The following KATNIP variants were observed in gnomAD, a reference collection of about 807,000 sequenced individuals.
KATNIP encodes katanin-interacting protein.
KATNIP carries 126 observed loss-of-function variants against 174.0 expected under a neutral mutation model. The observed-to-expected ratio is 0.72, with a 90% CI of 0.63 to 0.84. KATNIP has a LOEUF of 0.84. KATNIP is among the 40% of genes least tolerant of loss of function. The pLI, the probability that KATNIP is intolerant of heterozygous loss-of-function variation, is 0.00. For synonymous variants in KATNIP, 810 were observed against 835.7 expected (o/e 0.97, Z 0.53); for missense variants, 1,958 against 2,109.7 (o/e 0.93, Z 1.41).
intron 2 of KATNIP, among the ~76,000 whole-genome samples, chr16:27,601,133 T>C (rs534050693): frequency 6.6e-6 from 1 of 152,290 alleles, no homozygotes; most frequent in South Asian, 2.1e-4. Context: ...GATTTTTGTC[T>C]TCCTCCCTTT....
chr16:27,742,362 T>C (rs1234555338), intron 15 of KATNIP, among the ~76,000 whole-genome samples: 1 of 152,200 alleles, frequency 6.6e-6, no homozygotes, highest in African/African-American at 2.4e-5. Flanking sequence ...GATGATGGCT[T>C]CCAAATAGCA....
chr16:27,604,610 T>C (rs1365410252), intron 2 of KATNIP, among the ~76,000 whole-genome samples: 1 of 152,204 alleles, frequency 6.6e-6, no homozygotes, highest in African/African-American at 2.4e-5. Context: ...TTTGCTGGGC[T>C]CACTGTTGTA....
intron 9 of KATNIP, 128 bp downstream of exon 9, chr16:27,698,628 C>A: frequency 1.1e-6 from 1 of 888,788 alleles, no homozygotes; most frequent in East Asian, 2.8e-5. Flanking sequence ...CAGACTCATC[C>A]GTGTTTCCAC....
intron 2 of KATNIP, among the ~76,000 whole-genome samples, chr16:27,601,449 G>A (rs1278486154): frequency 1.3e-5 from 2 of 152,082 alleles, no homozygotes; most frequent in Non-Finnish European, 2.9e-5. Context: ...AACAACAGAG[G>A]CAATGACCTT....
chr16:27,719,522 C>T (rs2080117784), intron 13 of KATNIP, among the ~76,000 whole-genome samples: 1 of 151,650 alleles, frequency 6.6e-6, no homozygotes, highest in South Asian at 2.1e-4. Flanking sequence ...AGAGGCCCGC[C>T]ACCATGCCCA....
intron 6 of KATNIP, among the ~76,000 whole-genome samples, chr16:27,674,259 G>A (rs1372632153): frequency 9.9e-5 from 15 of 152,248 alleles, no homozygotes; most frequent in Admixed American, 9.8e-4. Context: ...TGCAAACTTG[G>A]TGGCTTAGTT....
At position 27,637,397 on chromosome 16, in the gene KATNIP, G is replaced by A. The variant is rs1227089599; in HGVS notation, c.408+6235G>A. Among the ~76,000 whole-genome samples the A allele has an allele frequency of 6.6e-5, 10 of 152,170 alleles. No individual in the cohort carries two copies. The highest frequency in any genetic ancestry group is 5.2e-4 in the Admixed American group (8 of 15,276). On this transcript the variant is annotated intron_variant, in intron 5 of 27. Transcript: ENST00000261588. This position sits in a 1 kb window ranked among gnomAD's most constrained non-coding sequence, Gnocchi z 4.7. ...GAGCTCATGTTGATGGGGAGCGGGTGGGGAGGTTGGGAAGGCAAAGGACCA... is the reference window on the plus strand; with the variant it reads ...GAGCTCATGTTGATGGGGAGCGGGTAGGGAGGTTGGGAAGGCAAAGGACCA...
intron 15 of KATNIP, among the ~76,000 whole-genome samples, chr16:27,746,469 G>A (rs1366325921): frequency 6.6e-6 from 1 of 152,218 alleles, no homozygotes; most frequent in African/African-American, 2.4e-5. Flanking sequence ...GAGGACAGGG[G>A]CAGAGGAACT....
At chr16:27,728,649 C>G (rs1378252338) in intron 14 of KATNIP, among the ~76,000 whole-genome samples, 1 of 152,192 alleles carries the variant, frequency 6.6e-6, no homozygotes, top group Non-Finnish European at 1.5e-5. Flanking sequence ...AGGCTGGTCT[C>G]AAACTCCTGA....
intron 2 of KATNIP, among the ~76,000 whole-genome samples, chr16:27,599,485 C>T (rs890270497): frequency 6.6e-6 from 1 of 152,162 alleles, no homozygotes; most frequent in Non-Finnish European, 1.5e-5. Context: ...TCCCTCCAGC[C>T]TTTGCTCCAT....
intron 20 of KATNIP, among the ~76,000 whole-genome samples, chr16:27,767,149 C>T (rs1029001193): frequency 2.0e-5 from 3 of 152,024 alleles, no homozygotes; most frequent in African/African-American, 4.8e-5. Flanking sequence ...ATGAGGCCAC[C>T]GAAAGGTAGC....
At chr16:27,728,388 A>C (rs1223288387) in intron 14 of KATNIP, among the ~76,000 whole-genome samples, 2 of 152,240 alleles carry the variant, frequency 1.3e-5, no homozygotes, top group Non-Finnish European at 2.9e-5. Context: ...GCGGGTCCCC[A>C]GCCAGCAGGG....
intron 14 of KATNIP, among the ~76,000 whole-genome samples, chr16:27,722,666 C>A (rs945566015): frequency 2.6e-5 from 4 of 152,198 alleles, no homozygotes; most frequent in African/African-American, 9.6e-5. Flanking sequence ...GGAGCCTCAC[C>A]TTCAGTCTTG....
intron 17 of KATNIP, among the ~76,000 whole-genome samples, chr16:27,752,633 C>T (rs1439458737): frequency 6.6e-6 from 1 of 152,196 alleles, no homozygotes; most frequent in Non-Finnish European, 1.5e-5. Flanking sequence ...CTCATTGCAG[C>T]TCAAACTCCC....
chr16:27,550,684 T>C (rs1462160613), intron 1 of KATNIP, among the ~76,000 whole-genome samples: 8 of 152,184 alleles, frequency 5.3e-5, no homozygotes, highest in Non-Finnish European at 1.2e-4. Context: ...CTGTAAGTAC[T>C]CTTGGGCAAC....
chr16:27,696,087 A>G (rs1228457969), intron 8 of KATNIP, among the ~76,000 whole-genome samples: 6 of 152,228 alleles, frequency 3.9e-5, no homozygotes, highest in Non-Finnish European at 7.3e-5. Flanking sequence ...ATATCACTGT[A>G]TATTTTATAA....
At chr16:27,653,745 A>G (rs577200999) in intron 6 of KATNIP, among the ~76,000 whole-genome samples, 2 of 149,070 alleles carry the variant, frequency 1.3e-5, no homozygotes, top group African/African-American at 5.0e-5. Flanking sequence ...TGCAACCTCT[A>G]CCTCCCAGGA....
At chr16:27,572,552 TCTC>T (rs904808023) in intron 1 of KATNIP, among the ~76,000 whole-genome samples, 3 of 152,076 alleles carry the variant, frequency 2.0e-5, no homozygotes, top group Non-Finnish European at 4.4e-5. Context: ...GTCTCCCTCT[TCTC>T]TGTCTCTCAG....
chr16:27,692,299 C>CT (rs1420252834), intron 8 of KATNIP, among the ~76,000 whole-genome samples: 1 of 152,164 alleles, frequency 6.6e-6, no homozygotes, highest in Non-Finnish European at 1.5e-5. Flanking sequence ...TTCAACTGTG[C>CT]TTTACTACAG....
Sources: gnomAD v4.1 joint callset for allele counts (sites outside exome capture counted in the v4.1 genomes callset) on GRCh38, gnomAD v4.1.1 for gene constraint, Gnocchi (gnomAD v3.1) non-coding constraint, MANE v1.5 for transcripts, NCBI Gene and HGNC (gene_info 2026-07-23, HGNC 2026-07-21) for gene names.